Variants in PSD2 observed in about 807,000 individuals in gnomAD.
The protein encoded by PSD2 is PH and SEC7 domain-containing protein 2.
A neutral mutation model predicts 69.8 loss-of-function variants in PSD2; 38 were observed. The ratio of observed to expected loss-of-function variants is 0.54; its 90% CI spans 0.42 to 0.71. The LOEUF (loss-of-function observed/expected upper bound fraction) is 0.71. Among genes scored for constraint, PSD2 ranks in the 30% least tolerant of loss-of-function variants. The pLI is 0.00. For synonymous variants in PSD2, 412 were observed against 423.0 expected, an observed-to-expected ratio of 0.97 and a Z score of 0.32; for missense variants, 943 against 1,014.5, an observed-to-expected ratio of 0.93 and a Z score of 0.96.
In PSD2 at chr5:139,837,098, T is replaced by C; in HGVS notation, c.1595-70T>C. The C allele has an allele frequency of 6.3e-7, 1 of 1,597,438 alleles. No homozygotes were observed. On this transcript the variant is annotated intron_variant, in intron 10 of 14. Coordinates refer to ENST00000274710, the MANE Select transcript of PSD2 (RefSeq NM_032289.4). The surrounding 1 kb of genome is among the most constrained non-coding windows in gnomAD (Gnocchi z 5.0). ...GGGGACGAACATACAGGTGGACACG[T>C]AGTGGGAGGTGGGGTTGGAGAGACT...
chr5:139,780,270 G>A, the PSD2 span, among the ~76,000 whole-genome samples: 12,980 of 152,240 alleles, frequency 0.085, 606 homozygotes, highest in African/African-American at 0.098. Context: ...TACAATGACA[G>A]GGTTGGCTGC....
chr5:139,796,056 C>A (rs1462635754), intron 1 of PSD2, 81 bp downstream of exon 1: 2 of 1,204 alleles, frequency 1.7e-3, no homozygotes, highest in Non-Finnish European at 3.2e-3. Flanking sequence ...GGGAGAGGGC[C>A]GCGTGCGGGT....
At chr5:139,825,412 C>T (rs1760391937) in intron 7 of PSD2, among the ~76,000 whole-genome samples, 1 of 152,178 alleles carries the variant, frequency 6.6e-6, no homozygotes, top group African/African-American at 2.4e-5. Flanking sequence ...GGGTTCCTAC[C>T]TTGGAGTGGA....
At chr5:139,751,254 G>C in the PSD2 span, among the ~76,000 whole-genome samples, 2 of 152,124 alleles carry the variant, frequency 1.3e-5, no homozygotes, top group Admixed American at 6.5e-5. Flanking sequence ...GCCTGAGAGG[G>C]GGGCGGAGGT....
chr5:139,794,437 C>T (rs1759472191), upstream of PSD2, among the ~76,000 whole-genome samples: 1 of 152,224 alleles, frequency 6.6e-6, no homozygotes, highest in South Asian at 2.1e-4. Flanking sequence ...TCAGATTCCA[C>T]ACCTCCAATT....
the PSD2 span, among the ~76,000 whole-genome samples, chr5:139,780,368 G>C: frequency 6.6e-6 from 1 of 152,332 alleles, no homozygotes; most frequent in East Asian, 1.9e-4. Context: ...CCGTGACCCT[G>C]AACTTGTATA....
intron 9 of PSD2, 134 bp from the exon 10 acceptor site, chr5:139,836,677 C>T: frequency 1.4e-6 from 1 of 718,948 alleles, no homozygotes; most frequent in East Asian, 2.6e-5. Flanking sequence ...ATTGGAATCT[C>T]TTCATCTCTG....
the PSD2 span, among the ~76,000 whole-genome samples, chr5:139,749,371 AG>A: frequency 1.1e-3 from 160 of 152,296 alleles, 1 homozygote; most frequent in Middle Eastern, 3.4e-3. Flanking sequence ...TGATCTTCTC[AG>A]CTGGATGGCA....
rs1230839091 is a variant in PSD2 at position 139,818,006 on chromosome 5, CT to C, written c.1097+446del. On this transcript the variant is annotated intron_variant, in intron 5 of 14. Transcript: ENST00000274710. ...ATGGTAAAATGGGATTTTATCTCAA[CT>C]CTATTGGTGTTTGGACCTAGGGAGT... is the stretch of plus-strand genomic sequence containing the variant. Among the ~76,000 whole-genome samples, 4 of 152,142 alleles carry C rather than the reference CT, an allele frequency of 2.6e-5. No homozygotes were observed. The East Asian group carries it at 7.7e-4, about 29-fold the overall frequency.
chr5:139,828,576 T>C (rs1760488423), intron 7 of PSD2, among the ~76,000 whole-genome samples: 2 of 152,174 alleles, frequency 1.3e-5, no homozygotes, highest in African/African-American at 4.8e-5. Context: ...TAGCCTAGAT[T>C]TGCAAATAGT....
Position 139,816,015 on chromosome 5 carries a change from A to AG in PSD2, c.1017-1466_1017-1465insG, listed in dbSNP as rs1162386593. On this transcript the variant is annotated intron_variant, in intron 4 of 14. Coordinates refer to ENST00000274710, the MANE Select transcript of PSD2 (RefSeq NM_032289.4). ...TATATTAAAAAAAAAAAAAAAAAAAAAGAAAATTTCAAACAAACACGAAAG... is the reference window on the plus strand; with the variant it reads ...TATATTAAAAAAAAAAAAAAAAAAAAGAGAAAATTTCAAACAAACACGAAAG... Among the ~76,000 whole-genome samples the AG allele has an allele frequency of 2.1e-3, 315 of 151,354 alleles. 1 individual carries two copies. Among genetic ancestry groups the AG allele is most frequent in the African/African-American group, 7.3e-3 (302 of 41,348 alleles).
chr5:139,781,959 A>G, the PSD2 span, among the ~76,000 whole-genome samples: 7 of 151,934 alleles, frequency 4.6e-5, no homozygotes, highest in Non-Finnish European at 7.4e-5. Flanking sequence ...CTGAAATCGC[A>G]CACACACACA....
chr5:139,836,780 G>T, intron 9 of PSD2, 31 bp from the exon 10 acceptor site: 1 of 1,599,690 alleles, frequency 6.3e-7, no homozygotes, highest in Non-Finnish European at 8.6e-7. Context: ...GGCCTCCCTG[G>T]AGGTGGTGCT....
At chr5:139,804,492 G>A (rs1759748466) in intron 1 of PSD2, among the ~76,000 whole-genome samples, 1 of 152,140 alleles carries the variant, frequency 6.6e-6, no homozygotes, top group African/African-American at 2.4e-5. Flanking sequence ...TCCATCAAGT[G>A]CACAAAGAGG....
chr5:139,837,894 G>A lies in PSD2; in HGVS notation c.1823+112G>A. The A allele has an allele frequency of 1.0e-6, 1 of 999,258 alleles. No homozygotes were observed. Among genetic ancestry groups the A allele is most frequent in the Non-Finnish European group, 1.5e-6 (1 of 688,086 alleles). 61.9% of individuals were successfully genotyped at this position (999,258 alleles called of 1,614,324 possible). The stretch of plus-strand genomic sequence containing the variant: ...AGCAACAGAGCATGTGTATCCACAT[G>A]ACACAGACCGACAGCTGGGTCCCTC... On this transcript the variant is annotated intron_variant, in intron 12 of 14. Transcript: ENST00000274710. The surrounding 1 kb of genome is among the most constrained non-coding windows in gnomAD (Gnocchi z 5.0).
the PSD2 span, among the ~76,000 whole-genome samples, chr5:139,767,927 C>A: frequency 6.6e-6 from 1 of 152,206 alleles, no homozygotes; most frequent in Non-Finnish European, 1.5e-5. Context: ...AGTGCCTGAC[C>A]CCAGGGCACC....
chr5:139,830,273 C>A (rs1760539464), intron 7 of PSD2, among the ~76,000 whole-genome samples: 2 of 151,126 alleles, frequency 1.3e-5, no homozygotes, highest in Non-Finnish European at 2.9e-5. Flanking sequence ...TGATACTAGA[C>A]CCTTAGTAGA....
At chr5:139,758,241 T>G in the PSD2 span, among the ~76,000 whole-genome samples, 1 of 152,070 alleles carries the variant, frequency 6.6e-6, no homozygotes. Flanking sequence ...GGGTTTCTAG[T>G]GGGCCTGGGA....
the PSD2 span, among the ~76,000 whole-genome samples, chr5:139,756,311 G>A: frequency 6.6e-6 from 1 of 152,246 alleles, no homozygotes; most frequent in Non-Finnish European, 1.5e-5. Flanking sequence ...AGGTTGGGGC[G>A]CAGAGGCAGC....
Sources: gnomAD v4.1 joint callset for allele counts (sites outside exome capture counted in the v4.1 genomes callset) on GRCh38, gnomAD v4.1.1 for gene constraint, Gnocchi (gnomAD v3.1) non-coding constraint, MANE v1.5 for transcripts, NCBI Gene and HGNC (gene_info 2026-07-23, HGNC 2026-07-21) for gene names.